PRKCH: variants seen among roughly 807,000 people sequenced by gnomAD.
PRKCH encodes the protein protein kinase C eta, also known as protein kinase C eta type.
Under a neutral mutation model 82.5 loss-of-function variants are expected in PRKCH, and 28 were observed. That is an observed-to-expected ratio of 0.34 (90% CI 0.25 to 0.47). The LOEUF (loss-of-function observed/expected upper bound fraction) is 0.47. PRKCH is among the 20% of genes least tolerant of loss of function. The pLI is 1.00. For synonymous variants in PRKCH, 322 were observed against 327.4 expected, an observed-to-expected ratio of 0.98 and a Z score of 0.18; for missense variants, 705 against 881.8, an observed-to-expected ratio of 0.80 and a Z score of 2.54.
chr14:61,317,554 G>C (rs551622156), upstream of PRKCH, among the ~76,000 whole-genome samples: 1 of 152,168 alleles, frequency 6.6e-6, no homozygotes, highest in South Asian at 2.1e-4. Flanking sequence ...GACTACAGGC[G>C]TGAGCCATGG....
intron 10 of PRKCH, among the ~76,000 whole-genome samples, chr14:61,523,716 G>A (rs949229565): frequency 4.6e-5 from 7 of 152,154 alleles, no homozygotes; most frequent in South Asian, 2.1e-4. Context: ...ACCCCCAAAT[G>A]AGCAACAGAC....
intron 1 of PRKCH, among the ~76,000 whole-genome samples, chr14:61,308,062 A>G (rs1594902207): frequency 6.6e-6 from 1 of 150,684 alleles, no homozygotes; most frequent in Admixed American, 6.6e-5. Context: ...CTTGTCTTGA[A>G]CTCCTGGCTT....
Position 61,269,708 on chromosome 14 carries a change from A to G in PRKCH, c.-19+82040A>G, listed in dbSNP as rs369925969. Among the ~76,000 whole-genome samples, 91 of 152,358 alleles carry G rather than the reference A, an allele frequency of 6.0e-4. 1 individual carries two copies. In the East Asian group the frequency reaches 8.9e-3, roughly 15 times the overall value. ...GCAGATTTTTTTTGCTGTCGTTTGCATTAGACCCAAAGGTAATTAAATGCT... is the reference window on the plus strand; with the variant it reads ...GCAGATTTTTTTTGCTGTCGTTTGCGTTAGACCCAAAGGTAATTAAATGCT... On this transcript the variant is annotated intron_variant, in intron 1 of 3. Transcript: ENST00000555185.
At chr14:61,292,161 C>T (rs971856029) in intron 1 of PRKCH, among the ~76,000 whole-genome samples, 2 of 151,850 alleles carry the variant, frequency 1.3e-5, no homozygotes, top group East Asian at 3.9e-4. Flanking sequence ...AAACTCTGCT[C>T]CAATCAATAA....
chr14:61,524,533 A>G (rs531322008), intron 10 of PRKCH, among the ~76,000 whole-genome samples: 1 of 152,200 alleles, frequency 6.6e-6, no homozygotes, highest in Non-Finnish European at 1.5e-5. Flanking sequence ...GCTGAGTTAC[A>G]TGTTGGCATA....
At chr14:61,368,864 T>TG (rs1249838292) in intron 1 of PRKCH, among the ~76,000 whole-genome samples, 1 of 152,120 alleles carries the variant, frequency 6.6e-6, no homozygotes, top group Non-Finnish European at 1.5e-5. Flanking sequence ...TTGTTATTTT[T>TG]GGGGAATTGT....
rs1016631658 is a variant in PRKCH at position 61,488,077 on chromosome 14, G to A, written c.1433+2421G>A. On this transcript the variant is annotated intron_variant, in intron 10 of 13. Coordinates refer to ENST00000332981, the MANE Select transcript of PRKCH (RefSeq NM_006255.5). The stretch of plus-strand genomic sequence containing the variant: ...CTGAGGCAGAAGAATAGTGTGAACC[G>A]CAGGGGGCGGAGCCTGCAGTGAGCC... Among the ~76,000 whole-genome samples the A allele has an allele frequency of 8.6e-5, 13 of 152,040 alleles. 1 individual carries two copies. The East Asian group carries it at 1.4e-3, about 16-fold the overall frequency.
chr14:61,317,327 A>G (rs2045570848), upstream of PRKCH, among the ~76,000 whole-genome samples: 1 of 152,058 alleles, frequency 6.6e-6, no homozygotes, highest in South Asian at 2.1e-4. Flanking sequence ...TCTCTCACAC[A>G]CTTTTCACCT....
At chr14:61,430,559 C>A (rs181680503) in intron 2 of PRKCH, among the ~76,000 whole-genome samples, 96 of 152,260 alleles carry the variant, frequency 6.3e-4, no homozygotes, top group Admixed American at 6.3e-3. Context: ...CTATATCTGA[C>A]CTTGCTGTTA....
chr14:61,519,611 A>T (rs1410777400), intron 10 of PRKCH, among the ~76,000 whole-genome samples: 1 of 152,090 alleles, frequency 6.6e-6, no homozygotes, highest in Non-Finnish European at 1.5e-5. Context: ...CCTCATAATG[A>T]TGAATGTTCA....
intron 1 of PRKCH, among the ~76,000 whole-genome samples, chr14:61,362,208 T>C (rs1003943669): frequency 3.3e-5 from 5 of 151,958 alleles, no homozygotes; most frequent in African/African-American, 1.2e-4. Flanking sequence ...AGTGTGGTGC[T>C]ATGTACCTGT....
chr14:61,236,553 C>T (rs1281799570), intron 1 of PRKCH, among the ~76,000 whole-genome samples: 1 of 151,700 alleles, frequency 6.6e-6, no homozygotes, highest in Non-Finnish European at 1.5e-5. Flanking sequence ...ACTAGGAATA[C>T]AAAAATTAGC....
At chr14:61,383,524 G>C (rs1344595448) in intron 1 of PRKCH, among the ~76,000 whole-genome samples, 1 of 152,138 alleles carries the variant, frequency 6.6e-6, no homozygotes, top group Non-Finnish European at 1.5e-5. Flanking sequence ...AGGGATCAAT[G>C]TGAATATCAA....
chr14:61,386,420 G>T (rs555934990), intron 1 of PRKCH, among the ~76,000 whole-genome samples: 2 of 152,294 alleles, frequency 1.3e-5, no homozygotes, highest in East Asian at 1.9e-4. Flanking sequence ...AGCCCGTTCA[G>T]GGAGGCCAGA....
intron 1 of PRKCH, among the ~76,000 whole-genome samples, chr14:61,249,385 A>G (rs1397121363): frequency 5.9e-5 from 9 of 152,128 alleles, no homozygotes; most frequent in Non-Finnish European, 1.5e-5. Context: ...CAAGTTCTAA[A>G]TGTAAGAAGG....
chr14:61,322,559 T>A (rs2045641965), intron 1 of PRKCH, 95 bp downstream of exon 1: 1 of 1,473,668 alleles, frequency 6.8e-7, no homozygotes, highest in East Asian at 2.3e-5. Flanking sequence ...CCCATCGCTT[T>A]GTGGCTGAGG....
chr14:61,438,230 G>C (rs1266398554), intron 2 of PRKCH, among the ~76,000 whole-genome samples: 1 of 152,126 alleles, frequency 6.6e-6, no homozygotes, highest in Non-Finnish European at 1.5e-5. Flanking sequence ...TCTCTTGTCT[G>C]TCGTCATATA....
chr14:61,425,785 C>T (rs539329467), intron 2 of PRKCH, among the ~76,000 whole-genome samples: 31 of 152,304 alleles, frequency 2.0e-4, no homozygotes, highest in Non-Finnish European at 3.7e-4. Context: ...CCACCTAAAC[C>T]TCATCTTGAA....
intron 9 of PRKCH, chr14:61,462,973 A>G (rs1430620264): frequency 1.3e-5 from 2 of 152,278 alleles, no homozygotes; most frequent in African/African-American, 4.8e-5. Flanking sequence ...CTTATTCCGC[A>G]TTTAGTTGGT....
Sources: allele counts gnomAD v4.1 joint callset (sites outside exome capture counted in the v4.1 genomes callset), GRCh38; gene constraint gnomAD v4.1.1; transcripts MANE v1.5; gene names NCBI Gene and HGNC (gene_info 2026-07-23, HGNC 2026-07-21).